The following LMBR1 variants were observed in gnomAD, a reference collection of about 807,000 sequenced individuals.
LMBR1 encodes limb development membrane protein 1.
In LMBR1, 52 loss-of-function variants were observed where a neutral mutation model predicts 73.9. The ratio of observed to expected loss-of-function variants is 0.70; its 90% confidence interval spans 0.56 to 0.89. The LOEUF is 0.89. Ranked by LOEUF, LMBR1 falls within the 40% of genes least tolerant of loss-of-function variation. The pLI is 0.00. For synonymous variants in LMBR1, 215 were observed against 209.4 expected, an observed-to-expected ratio of 1.03 and a Z score of -0.23; for missense variants, 539 against 579.8, an observed-to-expected ratio of 0.93 and a Z score of 0.72.
chr7:156,675,689 T>G, downstream of LMBR1: 77 of 1,245,134 alleles, frequency 6.2e-5, no homozygotes, highest in Non-Finnish European at 8.4e-5. Context: ...CCCCGCCTCC[T>G]CCTCAGTTCA....
chr7:156,823,712 A>ATTT (rs1835163285), intron 4 of LMBR1: 1 of 152,228 alleles, frequency 6.6e-6, no homozygotes, highest in African/African-American at 2.4e-5. Context: ...CACCACTAAA[A>ATTT]ATGGTTTTGA....
In LMBR1 at chr7:156,670,174, CA is replaced by C. The variant is rs1382053305; in HGVS notation, n.867-888del. 6.6e-6 allele frequency among the ~76,000 whole-genome samples: 1 copy of C among 152,172 alleles called. No homozygotes were observed. Among genetic ancestry groups the C allele is most frequent in the Non-Finnish European group, 1.5e-5 (1 of 68,042 alleles). The stretch of plus-strand genomic sequence containing the variant: ...GCATTTAAGTCATACGTGGAATCAC[CA>C]AAAGCACACAATTCGTATTTCCCAC... On this transcript the variant is annotated intron_variant and non_coding_transcript_variant, in intron 4 of 4. Coordinates refer to the LMBR1 transcript ENST00000430825. The surrounding 1 kb of genome is among the most constrained non-coding windows in gnomAD (Gnocchi z 4.3).
At chr7:156,740,076 G>T (rs1475154843) in intron 9 of LMBR1, among the ~76,000 whole-genome samples, 1 of 152,008 alleles carries the variant, frequency 6.6e-6, no homozygotes, top group Non-Finnish European at 1.5e-5. Context: ...GAATCAAGCA[G>T]AAATTGTAGA....
At chr7:156,804,159 TA>T (rs1001685339) in intron 4 of LMBR1, among the ~76,000 whole-genome samples, 4 of 151,774 alleles carry the variant, frequency 2.6e-5, no homozygotes, top group African/African-American at 9.7e-5. Context: ...TAAAATAAAA[TA>T]AAAAAAAGAT....
downstream of LMBR1, among the ~76,000 whole-genome samples, chr7:156,675,396 T>A (rs186401821): frequency 1.3e-5 from 2 of 152,162 alleles, no homozygotes; most frequent in Admixed American, 1.3e-4. Flanking sequence ...CCTGCAGCTG[T>A]CATTTCTCAA....
chr7:156,766,471 T>C (rs1377322323), intron 5 of LMBR1, among the ~76,000 whole-genome samples: 3 of 152,066 alleles, frequency 2.0e-5, no homozygotes, highest in Non-Finnish European at 4.4e-5. Context: ...CCCAGACATC[T>C]CAGGTTTACA....
rs1835394468 is a variant in LMBR1, at chr7:156,824,828, G to C, written c.319+1777C>G. On this transcript the variant is annotated intron_variant, in intron 4 of 16. Transcript: ENST00000353442. ...TCACTGCACTCTAGGCTAGGCGACA[G>C]AGCGAGACCCTGTCTCAATAAAAAA... 2.7e-5 allele frequency among the ~76,000 whole-genome samples: 4 copies of C among 150,794 alleles called. 1 individual carries two copies. In the Middle Eastern group the frequency reaches 0.014, roughly 516 times the overall value.
chr7:156,827,826 A>T (rs1223027572), intron 3 of LMBR1, among the ~76,000 whole-genome samples: 1 of 152,232 alleles, frequency 6.6e-6, no homozygotes, highest in African/African-American at 2.4e-5. Flanking sequence ...CAAAAGCCAA[A>T]AATAACCAGG....
intron 1 of LMBR1, among the ~76,000 whole-genome samples, chr7:156,842,219 G>A (rs1449461610): frequency 6.7e-6 from 1 of 150,218 alleles, no homozygotes; most frequent in Admixed American, 6.7e-5. Flanking sequence ...ATGGGGTTGA[G>A]GAGTAATTAT....
chr7:156,787,660 TAAG>T (rs1223428032), intron 5 of LMBR1, among the ~76,000 whole-genome samples: 6 of 152,236 alleles, frequency 3.9e-5, no homozygotes, highest in African/African-American at 1.4e-4. Context: ...CATGCTGAAA[TAAG>T]AAAACATTTC....
rs3778927 is a variant in LMBR1, at chr7:156,723,751, C to A, written c.1225+361G>T. Among the ~76,000 whole-genome samples, 58 of 152,154 alleles carry A rather than the reference C, an allele frequency of 3.8e-4. No individual in the cohort carries two copies. In the East Asian group the frequency reaches 0.011, roughly 29 times the overall value. Reference sequence around the variant, plus strand: ...CAAATTTTCAATTTTTTAAACCATACTAAATTATAAACGCTCAAAAGCTTT... The same window carrying A: ...CAAATTTTCAATTTTTTAAACCATAATAAATTATAAACGCTCAAAAGCTTT... On this transcript the variant is annotated intron_variant, in intron 15 of 16. Coordinates refer to ENST00000353442, the MANE Select transcript of LMBR1 (RefSeq NM_022458.4).
intron 15 of LMBR1, among the ~76,000 whole-genome samples, chr7:156,714,126 G>A (rs1016540315): frequency 6.6e-6 from 1 of 152,210 alleles, no homozygotes; most frequent in Non-Finnish European, 1.5e-5. Context: ...GGAAGTGAGA[G>A]TGTGTAAACC....
chr7:156,794,813 G>A (rs1417380256), intron 5 of LMBR1, among the ~76,000 whole-genome samples: 2 of 152,054 alleles, frequency 1.3e-5, no homozygotes, highest in African/African-American at 4.8e-5. Context: ...GGACTGATTC[G>A]GTGCCGTGTC....
chr7:156,728,201 T>C (rs1816150523), intron 11 of LMBR1, among the ~76,000 whole-genome samples, 194 bp from the exon 12 acceptor site: 1 of 152,220 alleles, frequency 6.6e-6, no homozygotes, highest in Non-Finnish European at 1.5e-5. Context: ...GTTATTGTCA[T>C]TTCAAAGCTT....
intron 2 of LMBR1, among the ~76,000 whole-genome samples, chr7:156,835,033 A>G (rs976256755): frequency 2.6e-5 from 4 of 152,058 alleles, no homozygotes; most frequent in African/African-American, 9.7e-5. Context: ...CCAGCTACTC[A>G]GGAGGCTGAA....
At chr7:156,778,580 CTT>C (rs1195222741) in intron 5 of LMBR1, among the ~76,000 whole-genome samples, 2 of 152,172 alleles carry the variant, frequency 1.3e-5, no homozygotes, top group Admixed American at 6.5e-5. Context: ...CCTTCAAAAA[CTT>C]TGAGCTAGAG....
intron 1 of LMBR1, among the ~76,000 whole-genome samples, chr7:156,864,995 CAAA>C (rs1183278800): frequency 3.1e-5 from 3 of 95,238 alleles, no homozygotes; most frequent in African/African-American, 4.1e-5. Flanking sequence ...GACTCTGTCT[CAAA>C]AAAAAAAAAA....
At chr7:156,671,459 T>C (rs1236511712) in intron 4 of LMBR1, among the ~76,000 whole-genome samples, 1 of 152,220 alleles carries the variant, frequency 6.6e-6, no homozygotes, top group Non-Finnish European at 1.5e-5. Context: ...GATAATGGTG[T>C]AGAACACCAC....
chr7:156,800,108 T>A lies in LMBR1; in HGVS notation c.320-3616A>T, dbSNP rs115101639. ...CTGATGGAGAAGCTGTAGCAAGTTC[T>A]CCAGAAGATCTGGCTAAGACCATCA... On this transcript the variant is annotated intron_variant, in intron 4 of 16. Transcript: ENST00000353442. Among the ~76,000 whole-genome samples, 560 of 152,318 alleles carry A rather than the reference T, an allele frequency of 3.7e-3. 6 individuals carry two copies. Among genetic ancestry groups the A allele is most frequent in the African/African-American group, 0.013 (538 of 41,564 alleles).
Sources: gnomAD v4.1 joint callset for allele counts (sites outside exome capture counted in the v4.1 genomes callset) on GRCh38, gnomAD v4.1.1 for gene constraint, Gnocchi (gnomAD v3.1) non-coding constraint, MANE v1.5 for transcripts, NCBI Gene and HGNC (gene_info 2026-07-23, HGNC 2026-07-21) for gene names.